The following HSPA14 variants were observed in gnomAD, a reference collection of about 807,000 sequenced individuals.
HSPA14 encodes heat shock protein family A (Hsp70) member 14.
In HSPA14, 37 loss-of-function variants were observed where a neutral mutation model predicts 65.5. The ratio of observed to expected loss-of-function variants is 0.56; its 90% confidence interval spans 0.43 to 0.74. HSPA14 has a LOEUF of 0.74. HSPA14 is among the 30% of genes least tolerant of loss of function. HSPA14 has a pLI of 0.00. For synonymous variants in HSPA14, 203 were observed against 214.2 expected, an observed-to-expected ratio of 0.95 and a Z score of 0.46; for missense variants, 564 against 607.6, an observed-to-expected ratio of 0.93 and a Z score of 0.75.
intron 10 of HSPA14, among the ~76,000 whole-genome samples, chr10:14,862,328 C>T (rs1832757216): frequency 6.7e-6 from 1 of 149,454 alleles, no homozygotes; most frequent in African/African-American, 2.5e-5. Flanking sequence ...GCACCCAGCC[C>T]CAAGAAAATA....
intron 9 of HSPA14, among the ~76,000 whole-genome samples, chr10:14,854,995 T>C (rs1834136162): frequency 6.6e-6 from 1 of 152,216 alleles, no homozygotes; most frequent in African/African-American, 2.4e-5. Flanking sequence ...ACTCAAAAGA[T>C]AGAAAAGGCA....
chr10:14,849,520 G>A (rs1480085934), intron 5 of HSPA14: 1 of 665,452 alleles, frequency 1.5e-6, no homozygotes, highest in East Asian at 3.1e-5. Context: ...CTAATTCTGT[G>A]TCCAAATATA....
intron 8 of HSPA14, 61 bp downstream of exon 8, chr10:14,852,592 T>G: frequency 7.4e-7 from 1 of 1,347,162 alleles, no homozygotes; most frequent in Non-Finnish European, 1.0e-6. Context: ...ATATTTTAAT[T>G]TTTTTTCCTA....
rs780684593 is a variant in HSPA14, at chr10:14,849,477, T to C, written c.377-244T>C. ...TCAGTCTAATTCAGAAGATGGTTGA[T>C]ACTGAAGCCTAAGAGCCAGGCTGTT... On this transcript the variant is annotated intron_variant, in intron 5 of 13. Transcript: ENST00000378372. 9 of 601,744 alleles carry C rather than the reference T, an allele frequency of 1.5e-5. No homozygotes were observed. The African/African-American group carries it at 1.6e-4, about 11-fold the overall frequency. The allele number at this position is 601,744 out of a possible 1,614,324, so 37.3% of individuals were successfully genotyped here.
At position 14,842,808 on chromosome 10, in the gene HSPA14, GTGACCT is replaced by G; in HGVS notation, c.221+2655_221+2660del. On this transcript the variant is annotated intron_variant, in intron 3 of 13. Transcript: ENST00000378372. The surrounding 1 kb of genome is among the most constrained non-coding windows in gnomAD (Gnocchi z 5.2). ...ATCAGTGACCGGATACGAGAAACCA[GTGACCT>G]TGAGGACTCCTGGGATGAATCCTCG... 3 of 1,535,596 alleles carry G rather than the reference GTGACCT, an allele frequency of 2.0e-6. No homozygotes were observed. The highest frequency in any genetic ancestry group is 2.6e-6 in the Non-Finnish European group (3 of 1,146,902).
rs762485831 is a variant in HSPA14, at chr10:14,870,649, C to T, written c.1433C>T (p.Ala478Val). The T allele has an allele frequency of 6.3e-7, 1 of 1,576,038 alleles. No individual in the cohort carries two copies. Among genetic ancestry groups the T allele is most frequent in the Non-Finnish European group, 8.7e-7 (1 of 1,154,268 alleles). ...GAAAATGGATTACGTGATATATTAGCTGTTCTTACTATGAAAAGGTAAAAA... is the reference window on the plus strand; with the variant it reads ...GAAAATGGATTACGTGATATATTAGTTGTTCTTACTATGAAAAGGTAAAAA... The part of the protein sequence containing the change: ...KKENGLRDIL[A>V]VLTMKRDGSL... The change falls in exon 13 of 14, where the codon GCT becomes GTT. Residue 478 changes from alanine (A) to valine (V), a missense_variant. Physicochemically the swap from Ala to Val is moderately conservative, Grantham distance 64. Transcript: ENST00000378372.
In HSPA14 at chr10:14,843,579, T is replaced by C. The variant is rs927000883; in HGVS notation, c.221+3422T>C. 8 of 1,550,628 alleles carry C rather than the reference T, an allele frequency of 5.2e-6. No individual in the cohort carries two copies. In the African/African-American group the frequency reaches 9.6e-5, roughly 19 times the overall value. ...GAGCTGGTTTTGTTTCTGGTGGGGA[T>C]AGGCCCTTGACCAGTGAGCCCCCTC... On this transcript the variant is annotated intron_variant, in intron 3 of 13. Coordinates refer to ENST00000378372, the MANE Select transcript of HSPA14 (RefSeq NM_016299.4).
At chr10:14,845,901 T>G in intron 3 of HSPA14, 1 of 514,860 alleles carries the variant, frequency 1.9e-6, no homozygotes, top group Non-Finnish European at 2.5e-6. Flanking sequence ...ATTGAGGGAT[T>G]TGTATTAGAT....
intron 8 of HSPA14, 49 bp from the exon 9 acceptor site, chr10:14,854,076 G>A: frequency 6.8e-7 from 1 of 1,481,246 alleles, no homozygotes; most frequent in Non-Finnish European, 9.1e-7. Flanking sequence ...TTACAATATT[G>A]TAAATGGCCC....
chr10:14,838,335 T>A lies in HSPA14; in HGVS notation c.-68T>A. ...AGCTCCGCGGTGCCTGATGGGGCCG[T>A]TGGGCGGCCGGTAGCTGTTGCTGTT... On this transcript the variant is annotated 5_prime_UTR_variant, in exon 1 of 14. It adds an upstream start codon to the 5' untranslated region. Transcript: ENST00000378372. 1 of 1,485,468 alleles carries A rather than the reference T, an allele frequency of 6.7e-7. No individual in the cohort carries two copies. The highest frequency in any genetic ancestry group is 1.2e-5 in the South Asian group (1 of 83,346). The allele number at this position is 1,485,468 out of a possible 1,614,324, so 92.0% of individuals were successfully genotyped here.
Position 14,842,451 on chromosome 10 carries a change from G to C in HSPA14, c.221+2294G>C, listed in dbSNP as rs748421413. 1 of 1,536,170 alleles carries C rather than the reference G, an allele frequency of 6.5e-7. No homozygotes were observed. The highest frequency in any genetic ancestry group is 2.4e-5 in the East Asian group (1 of 40,926). On this transcript the variant is annotated intron_variant, in intron 3 of 13. Coordinates refer to ENST00000378372, the MANE Select transcript of HSPA14 (RefSeq NM_016299.4). This position sits in a 1 kb window ranked among gnomAD's most constrained non-coding sequence, Gnocchi z 5.2. ...AAGCGAATGCAGCAGGAGGGCTTCC[G>C]CCGCACCGAACGTCAGTGCCGCTCC... is the stretch of plus-strand genomic sequence containing the variant.
chr10:14,871,136 A>G (rs1170482404), intron 13 of HSPA14, among the ~76,000 whole-genome samples: 2 of 152,252 alleles, frequency 1.3e-5, no homozygotes, highest in Non-Finnish European at 2.9e-5. Context: ...AATGAAACTT[A>G]AAAGACAACT....
chr10:14,844,064 C>G, intron 3 of HSPA14: 1 of 1,432,508 alleles, frequency 7.0e-7, no homozygotes. Flanking sequence ...AGATTCTCCA[C>G]CAAATGGAAG....
chr10:14,840,082 G>A lies in HSPA14; in HGVS notation c.146G>A (p.Gly49Glu). ...TATTATTTTTTTTTTCAGATTGTTG[G>A]ATTGGCAGCAAAACAAAGTAGAATA... ...VAYSENEEIVGLAAKQSRIRN... is the reference protein window; with the variant it reads ...VAYSENEEIVELAAKQSRIRN... The change falls in exon 3 of 14, where the codon GGA becomes GAA. Residue 49 changes from glycine (G) to glutamate (E), a missense_variant. Gly to Glu is a moderately conservative substitution (Grantham distance 98). Transcript: ENST00000378372. 1 of 1,402,988 alleles carries A rather than the reference G, an allele frequency of 7.1e-7. No homozygotes were observed. The highest frequency in any genetic ancestry group is 9.5e-7 in the Non-Finnish European group (1 of 1,052,400). The allele number at this position is 1,402,988 out of a possible 1,614,324, so 86.9% of individuals were successfully genotyped here. A position where few individuals can be genotyped will look rare whatever the true frequency, so the allele number is the denominator to read the frequency against.
chr10:14,863,851 A>T (rs1832778095), intron 10 of HSPA14, among the ~76,000 whole-genome samples: 1 of 152,138 alleles, frequency 6.6e-6, no homozygotes, highest in Admixed American at 6.5e-5. Flanking sequence ...ATTAAGGTTA[A>T]TTGGAGTTAC....
At chr10:14,853,235 A>G (rs1397696425) in intron 8 of HSPA14, among the ~76,000 whole-genome samples, 1 of 152,234 alleles carries the variant, frequency 6.6e-6, no homozygotes, top group African/African-American at 2.4e-5. Context: ...AAATGAAGTC[A>G]TTGATCACTA....
intron 10 of HSPA14, among the ~76,000 whole-genome samples, chr10:14,864,143 C>T (rs148697612): frequency 1.9e-4 from 28 of 151,122 alleles, no homozygotes; most frequent in Non-Finnish European, 3.1e-4. Flanking sequence ...ACTGGAGCAT[C>T]GCTGGAGCCC....
chr10:14,844,655 G>A (rs1302661464), intron 3 of HSPA14: 2 of 982,094 alleles, frequency 2.0e-6, no homozygotes, highest in Non-Finnish European at 2.4e-6. Context: ...CCAGGGAGCC[G>A]CCATTGTGTG....
intron 3 of HSPA14, chr10:14,843,226 G>A: frequency 9.7e-7 from 1 of 1,029,192 alleles, no homozygotes. Context: ...TCCAGATTAA[G>A]GAAATGGATT....
Sources: gnomAD v4.1 joint callset for allele counts (sites outside exome capture counted in the v4.1 genomes callset) on GRCh38, gnomAD v4.1.1 for gene constraint, Gnocchi (gnomAD v3.1) non-coding constraint, MANE v1.5 for transcripts, NCBI Gene and HGNC (gene_info 2026-07-23, HGNC 2026-07-21) for gene names.